PPM1H: variants seen among roughly 807,000 people sequenced by gnomAD.
PPM1H encodes the protein protein phosphatase, Mg2+/Mn2+ dependent 1H, also known as protein phosphatase 1H.
A neutral mutation model predicts 54.9 loss-of-function variants in PPM1H; 27 were observed. The ratio of observed to expected loss-of-function variants is 0.49; its 90% CI spans 0.36 to 0.68. The LOEUF (loss-of-function observed/expected upper bound fraction) is 0.68. Ranked by LOEUF, PPM1H falls within the 30% of genes least tolerant of loss-of-function variation. The pLI, the probability that PPM1H is intolerant of heterozygous loss-of-function variation, is 0.00. For missense variants in PPM1H, 596 were observed against 667.8 expected, an observed-to-expected ratio of 0.89 and a Z score of 1.19; for synonymous variants, 305 against 270.8, an observed-to-expected ratio of 1.13 and a Z score of -1.24.
chr12:62,671,327 G>T (rs919624047), intron 8 of PPM1H, among the ~76,000 whole-genome samples: 1 of 151,966 alleles, frequency 6.6e-6, no homozygotes, highest in Non-Finnish European at 1.5e-5. Context: ...CTCCTTCCCG[G>T]GTTCCCATCC....
rs1191379231 is a variant in PPM1H, at chr12:62,856,547, T to TCATTTTCAAG, written c.246-24278_246-24269dup. ...GGTTAGATGCAGAAATATCCCAGGCTCATTTTCAAGCTAGATGAAGGATAT... is the reference window on the plus strand; with the variant it reads ...GGTTAGATGCAGAAATATCCCAGGCTCATTTTCAAGCATTTTCAAGCTAGATGAAGGATAT... On this transcript the variant is annotated intron_variant, in intron 1 of 9. Coordinates refer to ENST00000228705, the MANE Select transcript of PPM1H (RefSeq NM_020700.2). 1.6e-4 allele frequency among the ~76,000 whole-genome samples: 25 copies of TCATTTTCAAG among 152,304 alleles called. No individual in the cohort carries two copies. In the East Asian group the frequency reaches 2.7e-3, roughly 16 times the overall value.
chr12:62,823,076 C>G (rs928841353), intron 2 of PPM1H, among the ~76,000 whole-genome samples: 1 of 152,022 alleles, frequency 6.6e-6, no homozygotes, highest in African/African-American at 2.4e-5. Flanking sequence ...ACCACCAATC[C>G]CACAGAAATA....
intron 3 of PPM1H, among the ~76,000 whole-genome samples, chr12:62,795,846 C>G (rs2076730770): frequency 6.6e-6 from 1 of 152,174 alleles, no homozygotes; most frequent in Non-Finnish European, 1.5e-5. Context: ...CATGCCTCAG[C>G]CTCCCAAGTA....
At chr12:62,904,330 C>A (rs991398069) in intron 1 of PPM1H, among the ~76,000 whole-genome samples, 4 of 152,088 alleles carry the variant, frequency 2.6e-5, no homozygotes, top group Middle Eastern at 3.2e-3. Flanking sequence ...CCTCCACCTC[C>A]CAGGCTCAAG....
chr12:62,902,371 A>AATG (rs1422757773), intron 1 of PPM1H, among the ~76,000 whole-genome samples: 2 of 151,422 alleles, frequency 1.3e-5, no homozygotes, highest in African/African-American at 4.8e-5. Flanking sequence ...TAATAATAAT[A>AATG]ATAATAAAAT....
chr12:62,910,144 C>T (rs147723781), intron 1 of PPM1H, among the ~76,000 whole-genome samples: 1 of 152,144 alleles, frequency 6.6e-6, no homozygotes, highest in African/African-American at 2.4e-5. Context: ...GGAGAAGAAA[C>T]ATGACAGCAG....
At chr12:62,703,125 G>T (rs1034166539) in intron 6 of PPM1H, among the ~76,000 whole-genome samples, 1 of 152,180 alleles carries the variant, frequency 6.6e-6, no homozygotes, top group African/African-American at 2.4e-5. Flanking sequence ...CAGATGTAGA[G>T]CTAACAGGCA....
At chr12:62,672,003 T>G (rs2075959279) in intron 8 of PPM1H, among the ~76,000 whole-genome samples, 1 of 152,232 alleles carries the variant, frequency 6.6e-6, no homozygotes, top group Non-Finnish European at 1.5e-5. Flanking sequence ...GTCCTGACAC[T>G]AGACTGTAAA....
chr12:62,881,373 G>A (rs76644728), intron 1 of PPM1H, among the ~76,000 whole-genome samples: 250 of 152,018 alleles, frequency 1.6e-3, no homozygotes, highest in African/African-American at 5.9e-3. Flanking sequence ...TGCTAAATAA[G>A]CTGATAATCA....
At chr12:62,902,629 G>A (rs997989192) in intron 1 of PPM1H, among the ~76,000 whole-genome samples, 1 of 152,156 alleles carries the variant, frequency 6.6e-6, no homozygotes, top group Non-Finnish European at 1.5e-5. Context: ...TGAGGCCTTG[G>A]ACAAGTCATT....
chr12:62,694,700 C>T (rs1255728699), intron 6 of PPM1H, among the ~76,000 whole-genome samples: 2 of 152,144 alleles, frequency 1.3e-5, no homozygotes, highest in African/African-American at 2.4e-5. Flanking sequence ...AACAAGCGAA[C>T]AAACAACTGT....
chr12:62,757,386 T>G (rs932018687), intron 4 of PPM1H, among the ~76,000 whole-genome samples: 5 of 152,166 alleles, frequency 3.3e-5, no homozygotes, highest in Non-Finnish European at 5.9e-5. Context: ...TACCATGGCC[T>G]AGTAAGGCTG....
chr12:62,802,702 C>G (rs2076778484), intron 2 of PPM1H, among the ~76,000 whole-genome samples: 1 of 151,730 alleles, frequency 6.6e-6, no homozygotes, highest in African/African-American at 2.4e-5. Flanking sequence ...GCCTCAGCCT[C>G]TGGAGTAGCT....
At chr12:62,762,071 C>T (rs1423093453) in intron 4 of PPM1H, among the ~76,000 whole-genome samples, 1 of 152,218 alleles carries the variant, frequency 6.6e-6, no homozygotes, top group Non-Finnish European at 1.5e-5. Flanking sequence ...GTGCCAACAA[C>T]TTGGGAGTCC....
At chr12:62,649,983 A>G (rs112305329) in intron 9 of PPM1H, among the ~76,000 whole-genome samples, 5 of 152,246 alleles carry the variant, frequency 3.3e-5, no homozygotes, top group African/African-American at 9.6e-5. Flanking sequence ...TTTACAAGGG[A>G]CCACCCTGAT....
intron 1 of PPM1H, among the ~76,000 whole-genome samples, chr12:62,907,629 G>A (rs1014265789): frequency 1.2e-4 from 19 of 152,206 alleles, no homozygotes; most frequent in African/African-American, 4.6e-4. Context: ...TATCCAGTAA[G>A]TACTTGTTAC....
intron 5 of PPM1H, among the ~76,000 whole-genome samples, chr12:62,728,372 G>A (rs1332533581): frequency 6.6e-6 from 1 of 152,192 alleles, no homozygotes; most frequent in Non-Finnish European, 1.5e-5. Flanking sequence ...GTCAGGGCAG[G>A]ACACCAGAGT....
chr12:62,689,874 G>A, intron 7 of PPM1H, 68 bp from the exon 8 acceptor site: 1 of 1,118,566 alleles, frequency 8.9e-7, no homozygotes, highest in Admixed American at 2.0e-5. Context: ...CAGTGCAGCT[G>A]CCTGGGCTAG....
chr12:62,656,675 A>G (rs1193930410), intron 9 of PPM1H, among the ~76,000 whole-genome samples: 1 of 152,162 alleles, frequency 6.6e-6, no homozygotes. Flanking sequence ...TGGCTTCCAA[A>G]TATTTGCATA....
Sources: allele counts gnomAD v4.1 joint callset (sites outside exome capture counted in the v4.1 genomes callset), GRCh38; gene constraint gnomAD v4.1.1; transcripts MANE v1.5; gene names NCBI Gene and HGNC (gene_info 2026-07-23, HGNC 2026-07-21).